The following GRK3 variants were observed in gnomAD, a reference collection of about 807,000 sequenced individuals.
GRK3 encodes G protein-coupled receptor kinase 3.
A neutral mutation model predicts 95.7 loss-of-function variants in GRK3; 54 were observed. The ratio of observed to expected loss-of-function variants is 0.56; its 90% CI spans 0.45 to 0.71. The LOEUF is 0.71. Among genes scored for constraint, GRK3 ranks in the 30% least tolerant of loss-of-function variants. GRK3 has a pLI of 0.00. For missense variants in GRK3, 649 were observed against 851.2 expected (o/e 0.76, Z 2.96); for synonymous variants, 281 against 290.8 (o/e 0.97, Z 0.34).
chr22:25,645,445 A>G (rs1601497159), intron 3 of GRK3, among the ~76,000 whole-genome samples: 3 of 152,354 alleles, frequency 2.0e-5, no homozygotes, highest in Admixed American at 2.0e-4. Context: ...GAGTTTAAAA[A>G]TAACACTAGA....
At chr22:25,585,892 G>A (rs375106330) in intron 1 of GRK3, among the ~76,000 whole-genome samples, 3,344 of 152,270 alleles carry the variant, frequency 0.022, 5 homozygotes, top group Middle Eastern at 0.065. Context: ...ATTTTCTAGA[G>A]CCCCCTTTTA....
In GRK3 at chr22:25,728,724, C is replaced by T. The variant is rs1020788159; in HGVS notation, c.*6274C>T. The T allele has an allele frequency of 6.6e-6, 1 of 152,204 alleles. No individual in the cohort carries two copies. Among genetic ancestry groups the T allele is most frequent in the Non-Finnish European group, 1.5e-5 (1 of 68,036 alleles). 9.4% of individuals were successfully genotyped at this position (152,204 alleles called of 1,614,324 possible). On this transcript the variant is annotated 3_prime_UTR_variant, in exon 21 of 21. Coordinates refer to ENST00000324198, the MANE Select transcript of GRK3 (RefSeq NM_005160.4). ...TGAGTGTGACTTTTTCCCCCCTTCA[C>T]TATTTCAAAATGGTTTTGAAATGGG...
At chr22:25,700,567 T>A (rs1000100020) in intron 13 of GRK3, among the ~76,000 whole-genome samples, 1 of 152,164 alleles carries the variant, frequency 6.6e-6, no homozygotes, top group African/African-American at 2.4e-5. Flanking sequence ...ACATTTAATA[T>A]AACATGCCAT....
chr22:25,727,941 A>C lies in GRK3; in HGVS notation c.*5491A>C, dbSNP rs2085487310. 6.6e-6 allele frequency: 1 copy of C among 152,202 alleles called. No homozygotes were observed. The allele number at this position is 152,202 out of a possible 1,614,324, so 9.4% of individuals were successfully genotyped here. A position where few individuals can be genotyped will look rare whatever the true frequency, so the allele number is the denominator to read the frequency against. The stretch of plus-strand genomic sequence containing the variant: ...GTATTTTTCTATGTTTAATTATAAT[A>C]GATCTGGCTTTTTCTGGATAGCATA... On this transcript the variant is annotated 3_prime_UTR_variant, in exon 21 of 21. Coordinates refer to ENST00000324198, the MANE Select transcript of GRK3 (RefSeq NM_005160.4).
At position 25,712,457 on chromosome 22, in the gene GRK3, A is replaced by AT. The variant is rs534827721; in HGVS notation, c.1491+1300dup. ...AAAAATTTACTGCTGTCACAATAGA[A>AT]TTTTTTCACCTGCTGTATACCACTA... On this transcript the variant is annotated intron_variant, in intron 17 of 20. Transcript: ENST00000324198. Among the ~76,000 whole-genome samples, 86 of 152,336 alleles carry AT rather than the reference A, an allele frequency of 5.6e-4. No individual in the cohort carries two copies. The East Asian group carries it at 6.2e-3, about 11-fold the overall frequency.
chr22:25,648,614 T>C, intron 3 of GRK3: 1 of 1,137,176 alleles, frequency 8.8e-7, no homozygotes, highest in South Asian at 1.3e-5. Flanking sequence ...CACTATATGC[T>C]GTTGTTTCTG....
chr22:25,606,290 T>G (rs1370533631), intron 2 of GRK3, among the ~76,000 whole-genome samples: 1 of 152,272 alleles, frequency 6.6e-6, no homozygotes, highest in African/African-American at 2.4e-5. Flanking sequence ...AAGCTGAGTT[T>G]GAGCTTGGGA....
At chr22:25,720,767 G>A (rs562156581) in intron 19 of GRK3, among the ~76,000 whole-genome samples, 4 of 152,140 alleles carry the variant, frequency 2.6e-5, no homozygotes, top group African/African-American at 7.2e-5. Flanking sequence ...GAGCCACCGC[G>A]CCCAGCCTAT....
chr22:25,667,266 A>G (rs1017126497), intron 5 of GRK3, among the ~76,000 whole-genome samples: 16 of 152,318 alleles, frequency 1.1e-4, no homozygotes, highest in African/African-American at 3.4e-4. Context: ...AGTTTTTAAA[A>G]CTCAGTGCAG....
intron 13 of GRK3, among the ~76,000 whole-genome samples, chr22:25,702,635 A>T (rs193279895): frequency 2.6e-5 from 4 of 152,274 alleles, no homozygotes; most frequent in Non-Finnish European, 4.4e-5. Flanking sequence ...TTTTTAAAAC[A>T]TGAGAGTGAG....
chr22:25,569,580 G>T (rs986242945), intron 1 of GRK3, among the ~76,000 whole-genome samples: 1 of 152,170 alleles, frequency 6.6e-6, no homozygotes, highest in Non-Finnish European at 1.5e-5. Context: ...TTTGGACAAG[G>T]GTGGAAACTA....
At chr22:25,591,084 A>G (rs1020278004) in intron 1 of GRK3, among the ~76,000 whole-genome samples, 3 of 152,254 alleles carry the variant, frequency 2.0e-5, no homozygotes, top group South Asian at 4.2e-4. Context: ...CCAGCTAGGA[A>G]TGGGGTTCCC....
At chr22:25,589,363 G>C (rs946836863) in intron 1 of GRK3, among the ~76,000 whole-genome samples, 1 of 152,108 alleles carries the variant, frequency 6.6e-6, no homozygotes, top group Non-Finnish European at 1.5e-5. Flanking sequence ...GATATCTGGT[G>C]TCTGGTCTTT....
intron 2 of GRK3, among the ~76,000 whole-genome samples, chr22:25,616,313 G>C (rs2084537920): frequency 6.6e-6 from 1 of 152,018 alleles, no homozygotes; most frequent in Admixed American, 6.5e-5. Flanking sequence ...GAGGCCTCAG[G>C]AAACTTACAG....
intron 2 of GRK3, among the ~76,000 whole-genome samples, chr22:25,640,691 G>A (rs1021446190): frequency 5.3e-5 from 8 of 152,046 alleles, no homozygotes; most frequent in Non-Finnish European, 1.2e-4. Context: ...ACTTTCAAAA[G>A]TTCTTAACTT....
intron 1 of GRK3, among the ~76,000 whole-genome samples, chr22:25,565,783 CAG>C (rs1931456315): frequency 6.6e-6 from 1 of 152,136 alleles, no homozygotes; most frequent in Non-Finnish European, 1.5e-5. Flanking sequence ...TTGACCCACT[CAG>C]TATTCTTTTT....
At chr22:25,649,120 A>G in intron 3 of GRK3, 2 of 1,520,756 alleles carry the variant, frequency 1.3e-6, no homozygotes, top group Non-Finnish European at 9.1e-7. Context: ...GAATTGATGA[A>G]TCTGTGTTGG....
chr22:25,648,742 T>C (rs2084806138), intron 3 of GRK3: 10 of 1,120,480 alleles, frequency 8.9e-6, no homozygotes, highest in South Asian at 1.2e-5. Context: ...CCTGCTCAGA[T>C]TGCTGATGGT....
chr22:25,662,638 C>T (rs1763655745), intron 4 of GRK3, among the ~76,000 whole-genome samples: 8 of 152,186 alleles, frequency 5.3e-5, no homozygotes, highest in Admixed American at 5.2e-4. Context: ...CTTGGACCCA[C>T]CTGGCTTGAT....
Sources: gnomAD v4.1 joint callset for allele counts (sites outside exome capture counted in the v4.1 genomes callset) on GRCh38, gnomAD v4.1.1 for gene constraint, MANE v1.5 for transcripts, NCBI Gene and HGNC (gene_info 2026-07-23, HGNC 2026-07-21) for gene names.